Variants in MAP7 observed in about 807,000 individuals in gnomAD.
MAP7 encodes the protein microtubule associated protein 7.
A neutral mutation model predicts 94.8 loss-of-function variants in MAP7; 52 were observed. The observed-to-expected ratio is 0.55, with a 90% CI of 0.44 to 0.69. The LOEUF (loss-of-function observed/expected upper bound fraction) is 0.69. Among genes scored for constraint, MAP7 ranks in the 30% least tolerant of loss-of-function variants. MAP7 has a pLI of 0.00. For missense variants in MAP7, 940 were observed against 964.6 expected, an observed-to-expected ratio of 0.97 and a Z score of 0.34; for synonymous variants, 350 against 357.0, an observed-to-expected ratio of 0.98 and a Z score of 0.22.
chr6:136,345,463 G>A (rs1787412672), intron 17 of MAP7, among the ~76,000 whole-genome samples: 1 of 152,174 alleles, frequency 6.6e-6, no homozygotes, highest in African/African-American at 2.4e-5. Flanking sequence ...CAGAAAGATG[G>A]AAAAAACTCA....
chr6:136,346,071 T>G lies in MAP7; in HGVS notation c.2024A>C (p.Asp675Ala). 6.2e-7 allele frequency: 1 copy of G among 1,604,024 alleles called. No homozygotes were observed. The highest frequency in any genetic ancestry group is 8.5e-7 in the Non-Finnish European group (1 of 1,171,760). ...ATTTTCATTTGGTTGTTTTTCCAAATCGGGAGTGCTAAGGAATTTGAAAAA... is the reference window on the plus strand; with the variant it reads ...ATTTTCATTTGGTTGTTTTTCCAAAGCGGGAGTGCTAAGGAATTTGAAAAA... ...QSKVTVESTPDLEKQPNENGV... is the reference protein window; with the variant it reads ...QSKVTVESTPALEKQPNENGV... The change falls in exon 17 of 18, where the codon GAT (aspartate) becomes GCT (alanine). Residue 675 changes from aspartate (D) to alanine (A), a missense_variant. Transcript: ENST00000354570.
Position 136,550,112 on chromosome 6 carries a change from G to A in MAP7, c.67+230C>T, listed in dbSNP as rs570614082. Among the ~76,000 whole-genome samples, 1 of 151,042 alleles carries A rather than the reference G, an allele frequency of 6.6e-6. No individual in the cohort carries two copies. Among genetic ancestry groups the A allele is most frequent in the Admixed American group, 6.6e-5 (1 of 15,216 alleles). On this transcript the variant is annotated intron_variant, in intron 1 of 17. Transcript: ENST00000354570. This position sits in a 1 kb window ranked among gnomAD's most constrained non-coding sequence, Gnocchi z 5.1. Reference sequence around the variant, plus strand: ...AAGTCGCGGTGGAGCGCCCGAGGGCGGCCGCAACCCCGGCCGGGGCCGAGC... The same window carrying A: ...AAGTCGCGGTGGAGCGCCCGAGGGCAGCCGCAACCCCGGCCGGGGCCGAGC...
At chr6:136,419,025 A>T (rs1421423153) in intron 2 of MAP7, among the ~76,000 whole-genome samples, 3 of 152,214 alleles carry the variant, frequency 2.0e-5, no homozygotes, top group Non-Finnish European at 4.4e-5. Flanking sequence ...ATTTAACTTG[A>T]CTTTAGCAAT....
chr6:136,391,180 A>G (rs1431998872), intron 3 of MAP7, among the ~76,000 whole-genome samples: 1 of 152,082 alleles, frequency 6.6e-6, no homozygotes, highest in Non-Finnish European at 1.5e-5. Flanking sequence ...GACTGGATTA[A>G]GAAAATGTGG....
At chr6:136,423,343 G>A (rs544864871) in intron 1 of MAP7, among the ~76,000 whole-genome samples, 4 of 152,256 alleles carry the variant, frequency 2.6e-5, no homozygotes, top group Non-Finnish European at 2.9e-5. Flanking sequence ...ACGAGATAAC[G>A]TACAGAAAGG....
chr6:136,463,586 A>G (rs1313065609), intron 1 of MAP7, among the ~76,000 whole-genome samples: 3 of 152,212 alleles, frequency 2.0e-5, no homozygotes, highest in African/African-American at 4.8e-5. Context: ...TAAAGTCAAA[A>G]TTTTTAATCT....
chr6:136,466,339 T>C (rs2128926413), intron 1 of MAP7, among the ~76,000 whole-genome samples: 1 of 152,262 alleles, frequency 6.6e-6, no homozygotes, highest in East Asian at 1.9e-4. Flanking sequence ...GTCTAAGAAA[T>C]TATCAGTAAA....
At chr6:136,384,886 G>C (rs1426361588) in intron 5 of MAP7, among the ~76,000 whole-genome samples, 1 of 152,192 alleles carries the variant, frequency 6.6e-6, no homozygotes, top group African/African-American at 2.4e-5. Flanking sequence ...TTATAATCAT[G>C]CTCATTAGGA....
At chr6:136,542,735 T>C (rs1829428912) in intron 1 of MAP7, among the ~76,000 whole-genome samples, 1 of 150,732 alleles carries the variant, frequency 6.6e-6, no homozygotes, top group Non-Finnish European at 1.5e-5. Context: ...AAAAAAGAAA[T>C]ACTGTGGGGA....
At chr6:136,390,047 G>C (rs1474636110) in intron 3 of MAP7, among the ~76,000 whole-genome samples, 1 of 152,212 alleles carries the variant, frequency 6.6e-6, no homozygotes, top group Non-Finnish European at 1.5e-5. Flanking sequence ...AGGTGGCCTT[G>C]TGTCTGAGGA....
At chr6:136,502,764 T>C (rs1193428446) in intron 1 of MAP7, among the ~76,000 whole-genome samples, 1 of 152,246 alleles carries the variant, frequency 6.6e-6, no homozygotes, top group Non-Finnish European at 1.5e-5. Context: ...AGCAGAGCTC[T>C]CCTCTCAGGA....
In MAP7 at chr6:136,346,020, A is replaced by G; in HGVS notation, c.2075T>C (p.Phe692Ser). Residue 692 changes from phenylalanine (F) to serine (S), a missense_variant, in exon 17 of 18, where the codon TTT (phenylalanine) becomes TCT (serine). Transcript: ENST00000354570. ...ENGVSVQNEN[F>S]EEIINLPIGS... ...AATGGGTAAGTTTATAATTTCTTCA[A>G]AATTTTCATTCTGAACAGATACACC... The G allele has an allele frequency of 1.2e-6, 2 of 1,613,876 alleles. No homozygotes were observed. The highest frequency in any genetic ancestry group is 2.2e-5 in the East Asian group (1 of 44,878).
intron 1 of MAP7, among the ~76,000 whole-genome samples, chr6:136,533,272 A>C (rs1828618216): frequency 6.6e-6 from 1 of 152,180 alleles, no homozygotes; most frequent in South Asian, 2.1e-4. Flanking sequence ...AACGCCATCT[A>C]AAACAACAAC....
chr6:136,479,226 A>T (rs1256770107), intron 1 of MAP7, among the ~76,000 whole-genome samples: 3 of 152,160 alleles, frequency 2.0e-5, no homozygotes, highest in Non-Finnish European at 2.9e-5. Flanking sequence ...CGCAAACTCA[A>T]CGTGATACAT....
chr6:136,456,825 A>AG lies in MAP7; in HGVS notation c.68-35027dup, dbSNP rs757252187. 5.9e-3 allele frequency among the ~76,000 whole-genome samples: 706 copies of AG among 119,714 alleles called. 7 individuals are homozygous for AG. Among genetic ancestry groups the AG allele is most frequent in the Non-Finnish European group, 9.8e-3 (533 of 54,136 alleles). The allele number at this position is 119,714 out of a possible 152,430, so 78.5% of individuals were successfully genotyped here. A position where few individuals can be genotyped will look rare whatever the true frequency, so the allele number is the denominator to read the frequency against. The stretch of plus-strand genomic sequence containing the variant: ...AGAAGAAGAAGAAGAAGAAGAAGGA[A>AG]GAAGAAGAAGAAGAAGAAGAAGAGG... On this transcript the variant is annotated intron_variant, in intron 1 of 17. Coordinates refer to ENST00000354570, the MANE Select transcript of MAP7 (RefSeq NM_003980.6).
intron 1 of MAP7, among the ~76,000 whole-genome samples, chr6:136,428,586 C>A (rs1370336298): frequency 1.3e-5 from 2 of 151,828 alleles, no homozygotes; most frequent in South Asian, 4.2e-4. Context: ...AATAAAAAAC[C>A]TAACATGTGA....
chr6:136,456,450 T>C (rs1802882236), intron 1 of MAP7, among the ~76,000 whole-genome samples: 2 of 151,928 alleles, frequency 1.3e-5, no homozygotes, highest in Non-Finnish European at 2.9e-5. Flanking sequence ...GGTGGGAGAA[T>C]TGCTTGAGGC....
At chr6:136,539,970 C>T (rs1481694660) in intron 1 of MAP7, among the ~76,000 whole-genome samples, 2 of 152,110 alleles carry the variant, frequency 1.3e-5, no homozygotes, top group Non-Finnish European at 2.9e-5. Flanking sequence ...CAGAGCGAGA[C>T]CCTGTCTCAA....
At chr6:136,524,731 T>C (rs1480750092) in intron 1 of MAP7, among the ~76,000 whole-genome samples, 1 of 152,222 alleles carries the variant, frequency 6.6e-6, no homozygotes, top group Non-Finnish European at 1.5e-5. Flanking sequence ...GTAAGATTAA[T>C]TCGAGAAACA....
Sources: allele counts gnomAD v4.1 joint callset (sites outside exome capture counted in the v4.1 genomes callset), GRCh38; gene constraint gnomAD v4.1.1; non-coding constraint Gnocchi (gnomAD v3.1); transcripts MANE v1.5; gene names NCBI Gene and HGNC (gene_info 2026-07-23, HGNC 2026-07-21).